The following CD58 variants were observed in gnomAD, a reference collection of about 807,000 sequenced individuals.
The protein encoded by CD58 is CD58 molecule, also known as lymphocyte function-associated antigen 3.
Under a neutral mutation model 27.6 loss-of-function variants are expected in CD58, and 14 were observed. That is an observed-to-expected ratio of 0.51 (90% confidence interval 0.34 to 0.79). The LOEUF (loss-of-function observed/expected upper bound fraction) is 0.79, where lower values mean the gene tolerates loss of function less well. Ranked by LOEUF, CD58 falls within the 30% of genes least tolerant of loss-of-function variation. The pLI, the probability that CD58 is intolerant of heterozygous loss-of-function variation, is 0.02. For missense variants in CD58, 268 were observed against 301.7 expected, an observed-to-expected ratio of 0.89 and a Z score of 0.83; for synonymous variants, 117 against 103.8, an observed-to-expected ratio of 1.13 and a Z score of -0.77.
intron 3 of CD58, among the ~76,000 whole-genome samples, chr1:116,535,179 A>G (rs1240541702): frequency 1.3e-5 from 2 of 152,262 alleles, no homozygotes; most frequent in African/African-American, 4.8e-5. Flanking sequence ...ACTTAGTGTT[A>G]GGCCTAAGGA....
At chr1:116,529,211 G>C (rs1657517450) in intron 3 of CD58, among the ~76,000 whole-genome samples, 1 of 152,120 alleles carries the variant, frequency 6.6e-6, no homozygotes, top group South Asian at 2.1e-4. Flanking sequence ...TTTCTAATCT[G>C]TATAAGTCTG....
rs910100423 is a variant in CD58 at position 116,527,384 on chromosome 1, A to C, written c.629-5401T>G. ...CTAGTTTACTGAGAGTTTTTATCAT[A>C]AATTGATGTTGGATTTTGTCAAATG... On this transcript the variant is annotated intron_variant, in intron 3 of 5. Coordinates refer to ENST00000369489, the MANE Select transcript of CD58 (RefSeq NM_001779.3). This position sits in a 1 kb window ranked among gnomAD's most constrained non-coding sequence, Gnocchi z 4.4. 6.6e-6 allele frequency among the ~76,000 whole-genome samples: 1 copy of C among 152,206 alleles called. No homozygotes were observed. Among genetic ancestry groups the C allele is most frequent in the Non-Finnish European group, 1.5e-5 (1 of 68,018 alleles).
chr1:116,526,864 C>T (rs1364498722), intron 3 of CD58, among the ~76,000 whole-genome samples: 2 of 152,070 alleles, frequency 1.3e-5, no homozygotes, highest in Non-Finnish European at 2.9e-5. Flanking sequence ...TTTTGTTCAT[C>T]AGTTTTGTTG....
intron 5 of CD58, among the ~76,000 whole-genome samples, chr1:116,518,292 T>A (rs952724576): frequency 5.3e-5 from 8 of 151,946 alleles, no homozygotes; most frequent in Non-Finnish European, 1.2e-4. Flanking sequence ...CTCTGCATAT[T>A]CAGTTCTGCC....
At chr1:116,562,588 C>G (rs375782303) in intron 1 of CD58, among the ~76,000 whole-genome samples, 1 of 152,276 alleles carries the variant, frequency 6.6e-6, no homozygotes. Context: ...TCAATGGACT[C>G]ACAGTTCCAC....
At chr1:116,566,986 A>C (rs1253171958) in intron 1 of CD58, among the ~76,000 whole-genome samples, 1 of 150,836 alleles carries the variant, frequency 6.6e-6, no homozygotes, top group African/African-American at 2.4e-5. Flanking sequence ...AAAAAATACA[A>C]AAAAATTAGG....
At chr1:116,565,821 G>A (rs2101233270) in intron 1 of CD58, among the ~76,000 whole-genome samples, 1 of 151,594 alleles carries the variant, frequency 6.6e-6, no homozygotes, top group East Asian at 1.9e-4. Flanking sequence ...TCCTGGTTCA[G>A]GCCATTCTCC....
rs1168342433 is a variant in CD58, at chr1:116,517,942, C to T, written c.743+1289G>A. The stretch of plus-strand genomic sequence containing the variant: ...ACTCCTCTGTGACACTTGGTCCTGT[C>T]GCTTTTATTTTTCTTGAAAAATAAT... On this transcript the variant is annotated intron_variant, in intron 5 of 5. Transcript: ENST00000369489. The surrounding 1 kb of genome is among the most constrained non-coding windows in gnomAD (Gnocchi z 6.5). Among the ~76,000 whole-genome samples, 3 of 152,236 alleles carry T rather than the reference C, an allele frequency of 2.0e-5. No individual in the cohort carries two copies. Among genetic ancestry groups the T allele is most frequent in the South Asian group, 4.1e-4 (2 of 4,822 alleles).
rs777913654 is a variant in CD58 at position 116,524,501 on chromosome 1, C to A, written c.629-2518G>T. Among the ~76,000 whole-genome samples, 2 of 152,128 alleles carry A rather than the reference C, an allele frequency of 1.3e-5. No individual in the cohort carries two copies. The highest frequency in any genetic ancestry group is 1.5e-5 in the Non-Finnish European group (1 of 68,024). ...CATTATGCTGAACCCTATTAAGCTG[C>A]CAAGATTCAATGGTTTTTGACTAGA... On this transcript the variant is annotated intron_variant, in intron 3 of 5. Coordinates refer to ENST00000369489, the MANE Select transcript of CD58 (RefSeq NM_001779.3). The surrounding 1 kb of genome is among the most constrained non-coding windows in gnomAD (Gnocchi z 4.6).
chr1:116,542,703 T>G (rs1658030530), intron 2 of CD58, among the ~76,000 whole-genome samples: 1 of 152,188 alleles, frequency 6.6e-6, no homozygotes, highest in South Asian at 2.1e-4. Flanking sequence ...TAGGGTGATA[T>G]TCCCGAGGAC....
intron 1 of CD58, among the ~76,000 whole-genome samples, chr1:116,556,609 C>A (rs189671215): frequency 1.3e-5 from 2 of 152,180 alleles, no homozygotes; most frequent in Non-Finnish European, 2.9e-5. Flanking sequence ...GTTTCCAAAT[C>A]ATCGAATGCT....
At chr1:116,549,337 A>G (rs1658307000) in intron 1 of CD58, among the ~76,000 whole-genome samples, 1 of 152,190 alleles carries the variant, frequency 6.6e-6, no homozygotes, top group Admixed American at 6.5e-5. Flanking sequence ...CCCTAAAAGA[A>G]GTTCTGAGGC....
At chr1:116,547,655 CAT>C (rs143431799) in intron 1 of CD58, among the ~76,000 whole-genome samples, 2,632 of 151,228 alleles carry the variant, frequency 0.017, 96 homozygotes, top group African/African-American at 0.06. Flanking sequence ...ATGGCATATT[CAT>C]ATATATATAT....
rs1278490497 is a variant in CD58 at position 116,541,470 on chromosome 1, GT to G, written c.364+2840del. Among the ~76,000 whole-genome samples the G allele has an allele frequency of 6.6e-6, 1 of 152,228 alleles. No homozygotes were observed. ...CCATTAGAAAGTTCCACACAGATGA[GT>G]GACATGATCTGACTTCTGTTTTAAA... On this transcript the variant is annotated intron_variant, in intron 2 of 5. Coordinates refer to ENST00000369489, the MANE Select transcript of CD58 (RefSeq NM_001779.3). The surrounding 1 kb of genome is among the most constrained non-coding windows in gnomAD (Gnocchi z 5.3).
rs1274999818 is a variant in CD58 at position 116,550,732 on chromosome 1, T to G, written c.71-6128A>C. 6.6e-6 allele frequency among the ~76,000 whole-genome samples: 1 copy of G among 152,162 alleles called. No individual in the cohort carries two copies. The highest frequency in any genetic ancestry group is 1.5e-5 in the Non-Finnish European group (1 of 68,022). ...TCCTTTCAGAAGGTTGTCAATTTAC[T>G]TTGCCCAGATTCATCAGAAGAATAA... On this transcript the variant is annotated intron_variant, in intron 1 of 5. Transcript: ENST00000369489. The surrounding 1 kb of genome is among the most constrained non-coding windows in gnomAD (Gnocchi z 4.2).
Position 116,522,373 on chromosome 1 carries a change from C to T in CD58, c.629-390G>A, listed in dbSNP as rs948579452. ...AGAGTTCCTAAGTGCAAGAAGGCTG[C>T]GATGTGCCTTGCAGAGAAAATAGGT... On this transcript the variant is annotated intron_variant, in intron 3 of 5. Coordinates refer to ENST00000369489, the MANE Select transcript of CD58 (RefSeq NM_001779.3). This position sits in a 1 kb window ranked among gnomAD's most constrained non-coding sequence, Gnocchi z 4.6. Among the ~76,000 whole-genome samples the T allele has an allele frequency of 1.3e-5, 2 of 152,208 alleles. No homozygotes were observed. The highest frequency in any genetic ancestry group is 2.4e-5 in the African/African-American group (1 of 41,528).
At position 116,522,355 on chromosome 1, in the gene CD58, C is replaced by T. The variant is rs915764454; in HGVS notation, c.629-372G>A. 1.3e-5 allele frequency among the ~76,000 whole-genome samples: 2 copies of T among 152,102 alleles called. No homozygotes were observed. Among genetic ancestry groups the T allele is most frequent in the Admixed American group, 1.3e-4 (2 of 15,280 alleles). The stretch of plus-strand genomic sequence containing the variant: ...AGTGTTGAAGGGCTGACAAGAGTTC[C>T]TAAGTGCAAGAAGGCTGCGATGTGC... On this transcript the variant is annotated intron_variant, in intron 3 of 5. Transcript: ENST00000369489. This position sits in a 1 kb window ranked among gnomAD's most constrained non-coding sequence, Gnocchi z 4.6.
chr1:116,553,485 A>G (rs1427939593), intron 1 of CD58, among the ~76,000 whole-genome samples: 2 of 152,136 alleles, frequency 1.3e-5, no homozygotes, highest in Admixed American at 1.3e-4. Context: ...TTGACAGCAT[A>G]TGGGGTAAAG....
intron 1 of CD58, among the ~76,000 whole-genome samples, chr1:116,568,055 CAAAAAA>C (rs34531651): frequency 1.2e-5 from 1 of 81,718 alleles, no homozygotes; most frequent in Non-Finnish European, 2.5e-5. Flanking sequence ...CTTAAAGTAC[CAAAAAA>C]AAAAAAAAAA....
Sources: allele counts gnomAD v4.1 joint callset (sites outside exome capture counted in the v4.1 genomes callset), GRCh38; gene constraint gnomAD v4.1.1; non-coding constraint Gnocchi (gnomAD v3.1); transcripts MANE v1.5; gene names NCBI Gene and HGNC (gene_info 2026-07-23, HGNC 2026-07-21).